Variants in SLCO6A1 observed in about 807,000 individuals in gnomAD.
SLCO6A1 encodes cancer/testis antigen 48.
In SLCO6A1, 65 loss-of-function variants were observed where a neutral mutation model predicts 72.7. The observed-to-expected ratio is 0.89, with a 90% CI of 0.73 to 1.10. The LOEUF is 1.10. Ranked by LOEUF, SLCO6A1 falls within the 50% of genes least tolerant of loss-of-function variation. The probability of loss-of-function intolerance (pLI) is 0.00; values close to 1 mark genes in which losing one functional copy is unlikely to be tolerated. For missense variants in SLCO6A1, 874 were observed against 872.6 expected, an observed-to-expected ratio of 1.00 and a Z score of -0.02; for synonymous variants, 314 against 298.2, an observed-to-expected ratio of 1.05 and a Z score of -0.55.
At chr5:102,420,324 C>T (rs763012908) in intron 7 of SLCO6A1, among the ~76,000 whole-genome samples, 3 of 152,220 alleles carry the variant, frequency 2.0e-5, no homozygotes, top group African/African-American at 2.4e-5. Flanking sequence ...AAATGGAAGA[C>T]GAGAGCTGTC....
intron 6 of SLCO6A1, among the ~76,000 whole-genome samples, chr5:102,455,426 G>C (rs1394168287): frequency 6.6e-6 from 1 of 152,102 alleles, no homozygotes; most frequent in Non-Finnish European, 1.5e-5. Flanking sequence ...ATGAATAGCA[G>C]AAGAGAAAAC....
chr5:102,491,034 A>G (rs1368183438), intron 1 of SLCO6A1, among the ~76,000 whole-genome samples: 1 of 152,038 alleles, frequency 6.6e-6, no homozygotes, highest in Admixed American at 6.5e-5. Flanking sequence ...CAGGGCGCTG[A>G]TTGGTGCGTT....
chr5:102,475,956 G>A (rs1433824454), intron 3 of SLCO6A1, among the ~76,000 whole-genome samples, 163 bp from the exon 4 acceptor site: 1 of 152,082 alleles, frequency 6.6e-6, no homozygotes, highest in Non-Finnish European at 1.5e-5. Flanking sequence ...GAGAAAAACA[G>A]TAATGGAAAA....
rs370354187 is a variant in SLCO6A1, at chr5:102,433,446, C to T, written c.1276+5171G>A. Among the ~76,000 whole-genome samples the T allele has an allele frequency of 4.6e-5, 7 of 151,528 alleles. No individual in the cohort carries two copies. In the East Asian group the frequency reaches 1.2e-3, roughly 25 times the overall value. On this transcript the variant is annotated intron_variant, in intron 7 of 13. Coordinates refer to ENST00000506729, the MANE Select transcript of SLCO6A1 (RefSeq NM_173488.5). ...TCCTTTGGATTTTTTTTTCTTTTAT[C>T]CTATTTGATGACCTTGAGGGTTTGC...
chr5:102,420,161 G>A (rs1305375049), intron 7 of SLCO6A1, 140 bp from the exon 8 acceptor site: 1 of 769,434 alleles, frequency 1.3e-6, no homozygotes, highest in South Asian at 2.4e-5. Context: ...GTACAGTTAT[G>A]CTAAATAGCT....
intron 9 of SLCO6A1, among the ~76,000 whole-genome samples, 153 bp from the exon 10 acceptor site, chr5:102,399,895 G>C (rs545731149): frequency 6.6e-6 from 1 of 151,640 alleles, no homozygotes; most frequent in South Asian, 2.1e-4. Context: ...GTATTATTTA[G>C]AAATGAAACA....
intron 6 of SLCO6A1, among the ~76,000 whole-genome samples, chr5:102,448,459 G>A (rs1011409146): frequency 6.6e-6 from 1 of 152,158 alleles, no homozygotes; most frequent in Admixed American, 6.5e-5. Flanking sequence ...GTCCAATACT[G>A]TCAGTGGGGT....
rs764872584 is a variant in SLCO6A1, at chr5:102,438,643, G to A, written c.1250C>T (p.Thr417Ile). Residue 417 changes from threonine (T) to isoleucine (I), a missense_variant, in exon 7 of 14, where the codon ACA becomes ATA. By Grantham distance (89) the Thr-to-Ile change is moderately conservative (BLOSUM62 -1). Coordinates refer to ENST00000506729, the MANE Select transcript of SLCO6A1 (RefSeq NM_173488.5). The stretch of plus-strand genomic sequence containing the variant: ...TGCAAGTGTAGTTGCCACAGTGGGT[G>A]TTAATATAAACTGATTTTCTAAATA... ...PIYLENQFIL[T>I]PTVATTLAGL... The A allele has an allele frequency of 1.1e-5, 18 of 1,590,770 alleles. No individual in the cohort carries two copies. The highest frequency in any genetic ancestry group is 2.7e-5 in the African/African-American group (2 of 73,580).
chr5:102,427,940 C>T (rs1749005803), intron 7 of SLCO6A1, among the ~76,000 whole-genome samples: 1 of 140,326 alleles, frequency 7.1e-6, no homozygotes, highest in South Asian at 2.3e-4. Flanking sequence ...ATGGTATTGG[C>T]TCACTGTAAC....
chr5:102,487,857 C>T (rs1422772155), intron 1 of SLCO6A1, among the ~76,000 whole-genome samples: 1 of 152,218 alleles, frequency 6.6e-6, no homozygotes, highest in Non-Finnish European at 1.5e-5. Context: ...TCTTTTAGAT[C>T]TTACTCTATG....
intron 13 of SLCO6A1, among the ~76,000 whole-genome samples, chr5:102,372,350 G>A (rs1750669013): frequency 6.6e-6 from 1 of 151,850 alleles, no homozygotes; most frequent in Non-Finnish European, 1.5e-5. Context: ...TAATAACAGA[G>A]GAGAAATTTT....
chr5:102,438,549 G>T, intron 7 of SLCO6A1, 68 bp downstream of exon 7: 1 of 1,216,174 alleles, frequency 8.2e-7, no homozygotes, highest in South Asian at 1.7e-5. Flanking sequence ...TTTATTTCAA[G>T]TATTTCATAA....
intron 12 of SLCO6A1, among the ~76,000 whole-genome samples, chr5:102,381,832 T>G (rs1371759266): frequency 6.6e-6 from 1 of 151,418 alleles, no homozygotes; most frequent in East Asian, 1.9e-4. Flanking sequence ...ATTTAGGCAT[T>G]CAGAAATATA....
chr5:102,448,888 T>A (rs13353915), intron 6 of SLCO6A1, among the ~76,000 whole-genome samples: 1 of 151,938 alleles, frequency 6.6e-6, no homozygotes, highest in Non-Finnish European at 1.5e-5. Flanking sequence ...AATATTCATA[T>A]GTGTGGATTT....
intron 7 of SLCO6A1, among the ~76,000 whole-genome samples, chr5:102,437,723 C>T (rs1328144725): frequency 1.3e-5 from 2 of 151,980 alleles, no homozygotes; most frequent in African/African-American, 2.4e-5. Flanking sequence ...ATCTTATTTG[C>T]TTTCTATTTT....
Position 102,472,501 on chromosome 5 carries a change from T to A in SLCO6A1, c.899+3196A>T, listed in dbSNP as rs1310800523. ...TATAGCTCCTTAATTAACTCCATCA[T>A]CTCAACAAGAGAACAAGAAAAGTTG... is the stretch of plus-strand genomic sequence containing the variant. On this transcript the variant is annotated intron_variant, in intron 4 of 13. Coordinates refer to ENST00000506729, the MANE Select transcript of SLCO6A1 (RefSeq NM_173488.5). Among the ~76,000 whole-genome samples the A allele has an allele frequency of 2.6e-5, 4 of 152,056 alleles. No homozygotes were observed. The East Asian group carries it at 5.8e-4, about 22-fold the overall frequency.
At chr5:102,393,465 C>T (rs1746881702) in intron 10 of SLCO6A1, among the ~76,000 whole-genome samples, 1 of 152,146 alleles carries the variant, frequency 6.6e-6, no homozygotes, top group African/African-American at 2.4e-5. Context: ...GTGTGAAATA[C>T]TTATCTTCCA....
intron 6 of SLCO6A1, among the ~76,000 whole-genome samples, chr5:102,448,121 A>G (rs1328097801): frequency 6.6e-6 from 1 of 151,972 alleles, no homozygotes; most frequent in Non-Finnish European, 1.5e-5. Flanking sequence ...CCTTAATTTT[A>G]TTGTTTACCC....
chr5:102,396,413 A>C (rs1217583971), intron 10 of SLCO6A1, among the ~76,000 whole-genome samples: 20 of 152,138 alleles, frequency 1.3e-4, no homozygotes, highest in Admixed American at 1.2e-3. Context: ...GCTAGGCATC[A>C]ATTATTGTGC....
Sources: allele counts gnomAD v4.1 joint callset (sites outside exome capture counted in the v4.1 genomes callset), GRCh38; gene constraint gnomAD v4.1.1; transcripts MANE v1.5; gene names NCBI Gene and HGNC (gene_info 2026-07-23, HGNC 2026-07-21).